EDARADD: variants seen among roughly 807,000 people sequenced by gnomAD.
The protein encoded by EDARADD is EDAR associated via death domain, also known as ectodysplasin-A receptor-associated adapter protein.
Under a neutral mutation model 25.6 loss-of-function variants are expected in EDARADD, and 20 were observed. The observed-to-expected ratio is 0.78, with a 90% confidence interval of 0.55 to 1.14. EDARADD has a LOEUF of 1.14. Among genes scored for constraint, EDARADD ranks in the 50% most tolerant of loss-of-function variants. The pLI is 0.00. For missense variants in EDARADD, 225 were observed against 270.1 expected, an observed-to-expected ratio of 0.83 and a Z score of 1.17; for synonymous variants, 86 against 94.4, an observed-to-expected ratio of 0.91 and a Z score of 0.52.
chr1:236,447,259 T>TC (rs1438449311), intron 4 of EDARADD, among the ~76,000 whole-genome samples: 8 of 143,432 alleles, frequency 5.6e-5, no homozygotes, highest in East Asian at 2.2e-4. Context: ...TTCCTTTCTT[T>TC]CTTTCTTTCT....
At chr1:236,374,072 T>G (rs1267831246) in intron 3 of EDARADD, among the ~76,000 whole-genome samples, 1 of 152,200 alleles carries the variant, frequency 6.6e-6, no homozygotes, top group African/African-American at 2.4e-5. Flanking sequence ...GTGGTGTGTT[T>G]ATGACCAAGT....
At chr1:236,453,957 A>G (rs534165720) in intron 4 of EDARADD, among the ~76,000 whole-genome samples, 1 of 151,592 alleles carries the variant, frequency 6.6e-6, no homozygotes, top group East Asian at 1.9e-4. Context: ...GTAGCCACCC[A>G]ATACATAGTG....
rs1455475348 is a variant in EDARADD at position 236,363,002 on chromosome 1, A to ATATAT, written c.-6+12163_-6+12164insTATAT. Among the ~76,000 whole-genome samples, 56 of 58,172 alleles carry ATATAT rather than the reference A, an allele frequency of 9.6e-4. 1 individual carries two copies. The highest frequency in any genetic ancestry group is 3.1e-3 in the African/African-American group (40 of 12,770). The allele number at this position is 58,172 out of a possible 152,430, so 38.2% of individuals were successfully genotyped here. ...CTTTTTTTAAGAAAAAAAAAAAAAA[A>ATATAT]AAAAATATATATATATATATATATA... On this transcript the variant is annotated intron_variant, in intron 3 of 7. Transcript: ENST00000439430.
At chr1:236,480,002 T>C (rs765996049) in intron 5 of EDARADD, among the ~76,000 whole-genome samples, 80 of 150,752 alleles carry the variant, frequency 5.3e-4, no homozygotes, top group Non-Finnish European at 1.0e-3. Context: ...GCTATGACTG[T>C]GCCACCGCAC....
intron 2 of EDARADD, among the ~76,000 whole-genome samples, chr1:236,413,942 A>G (rs1657566802): frequency 6.6e-6 from 1 of 152,226 alleles, no homozygotes; most frequent in Non-Finnish European, 1.5e-5. Context: ...ATTCATGACA[A>G]CAAATGCTCC....
rs551028912 is a variant in EDARADD, at chr1:236,385,194, G to T, written c.-5-24022G>T. On this transcript the variant is annotated intron_variant, in intron 3 of 7. Transcript: ENST00000439430. ...GAGGCCGAGGTGGGCAGATCACAAG[G>T]TCAGGAGATCAAGACCATCCTGGCC... is the stretch of plus-strand genomic sequence containing the variant. 2.1e-5 allele frequency among the ~76,000 whole-genome samples: 3 copies of T among 144,186 alleles called. No individual in the cohort carries two copies. The South Asian group carries it at 6.6e-4, about 32-fold the overall frequency. The allele number at this position is 144,186 out of a possible 152,430, so 94.6% of individuals were successfully genotyped here.
intron 3 of EDARADD, among the ~76,000 whole-genome samples, chr1:236,377,726 C>CGG: frequency 2.0e-5 from 3 of 151,530 alleles, no homozygotes; most frequent in Non-Finnish European, 1.5e-5. Context: ...GGCATGGTGG[C>CGG]GCATGTCTGT....
chr1:236,404,265 T>C (rs189304066), intron 1 of EDARADD, among the ~76,000 whole-genome samples: 27 of 152,356 alleles, frequency 1.8e-4, no homozygotes, highest in Non-Finnish European at 3.2e-4. Flanking sequence ...ATCGTAAACA[T>C]GCAACTCCAA....
intron 4 of EDARADD, among the ~76,000 whole-genome samples, chr1:236,444,086 C>A (rs1211664481): frequency 6.6e-6 from 1 of 152,120 alleles, no homozygotes; most frequent in Non-Finnish European, 1.5e-5. Flanking sequence ...CTCAGGTGAT[C>A]ATTAGCATTT....
chr1:236,460,213 C>T (rs61834026), intron 4 of EDARADD, among the ~76,000 whole-genome samples: 28,865 of 144,704 alleles, frequency 0.2, 3,251 homozygotes, highest in Middle Eastern at 0.27. Flanking sequence ...GAGACAGGGT[C>T]CCACTCTGTC....
At chr1:236,369,806 C>T (rs1667155103) in intron 3 of EDARADD, among the ~76,000 whole-genome samples, 1 of 152,024 alleles carries the variant, frequency 6.6e-6, no homozygotes, top group Admixed American at 6.6e-5. Flanking sequence ...CATTGCACTC[C>T]AGCCTGGGCA....
At position 236,386,521 on chromosome 1, in the gene EDARADD, C is replaced by T. The variant is rs1465502504; in HGVS notation, c.-5-22695C>T. On this transcript the variant is annotated intron_variant, in intron 3 of 7. Coordinates refer to the EDARADD transcript ENST00000439430. ...TTAGGAAGTGAGGAGCCTCTCTGCCCGGCCGCCCATCGTCTGAGATGTGGG... is the reference window on the plus strand; with the variant it reads ...TTAGGAAGTGAGGAGCCTCTCTGCCTGGCCGCCCATCGTCTGAGATGTGGG... Among the ~76,000 whole-genome samples the T allele has an allele frequency of 1.9e-4, 4 of 21,258 alleles. 2 individuals are homozygous for T. The allele number at this position is 21,258 out of a possible 152,430, so 13.9% of individuals were successfully genotyped here.
At chr1:236,423,308 A>G (rs1278701881) in intron 3 of EDARADD, among the ~76,000 whole-genome samples, 1 of 152,216 alleles carries the variant, frequency 6.6e-6, no homozygotes, top group East Asian at 1.9e-4. Flanking sequence ...GTCAATAGCT[A>G]TTTATTGACA....
chr1:236,358,490 A>G (rs1759377), intron 3 of EDARADD, among the ~76,000 whole-genome samples: 52,917 of 152,046 alleles, frequency 0.35, 9,514 homozygotes, highest in African/African-American at 0.44. Context: ...TTAAGGGGTC[A>G]ATTTGATGTG....
intron 2 of EDARADD, among the ~76,000 whole-genome samples, chr1:236,409,727 A>C (rs1206614851): frequency 6.8e-6 from 1 of 147,904 alleles, no homozygotes; most frequent in Non-Finnish European, 1.5e-5. Context: ...ATGCCTGGCT[A>C]ATTTTTTTTT....
intron 5 of EDARADD, among the ~76,000 whole-genome samples, chr1:236,477,359 C>T (rs545975016): frequency 6.6e-6 from 1 of 151,928 alleles, no homozygotes; most frequent in South Asian, 2.1e-4. Flanking sequence ...ACTAAAAATA[C>T]AAAAAATTAC....
At chr1:236,391,516 G>A (rs983392053), upstream of EDARADD, among the ~76,000 whole-genome samples, 16 of 152,226 alleles carry the variant, frequency 1.1e-4, no homozygotes, top group African/African-American at 3.6e-4. Flanking sequence ...GGTCTCTTAT[G>A]TTCCTAAATT....
chr1:236,472,137 A>G (rs886264566), intron 5 of EDARADD, among the ~76,000 whole-genome samples: 4 of 152,058 alleles, frequency 2.6e-5, no homozygotes, highest in African/African-American at 7.2e-5. Flanking sequence ...GAGGTGGGGG[A>G]AGAAATGCCC....
chr1:236,358,847 A>G (rs12062619), intron 3 of EDARADD, among the ~76,000 whole-genome samples: 52,609 of 151,744 alleles, frequency 0.35, 9,363 homozygotes, highest in African/African-American at 0.44. Flanking sequence ...TGTATATTCT[A>G]TTGTTTTTGG....
Sources: gnomAD v4.1 joint callset for allele counts (sites outside exome capture counted in the v4.1 genomes callset) on GRCh38, gnomAD v4.1.1 for gene constraint, MANE v1.5 for transcripts, NCBI Gene and HGNC (gene_info 2026-07-23, HGNC 2026-07-21) for gene names.